The following ZNF254 variants were observed in gnomAD, a reference collection of about 807,000 sequenced individuals.
ZNF254 encodes CTD-2017D11.1.
ZNF254 carries 10 observed loss-of-function variants against 12.4 expected under a neutral mutation model. The observed-to-expected ratio is 0.80, with a 90% CI of 0.50 to 1.36. The LOEUF is 1.36. ZNF254 is among the 40% of genes most tolerant of loss of function. The pLI is 0.00. For synonymous variants in ZNF254, 305 were observed against 253.4 expected (o/e 1.20, Z -1.93); for missense variants, 996 against 763.9 (o/e 1.30, Z -3.58).
In ZNF254 at chr19:24,126,605, G is replaced by C. The variant is rs1310956122; in HGVS notation, c.605G>C (p.Ser202Thr). 6.2e-7 allele frequency: 1 copy of C among 1,605,090 alleles called. No individual in the cohort carries two copies. Among genetic ancestry groups the C allele is most frequent in the Non-Finnish European group, 8.5e-7 (1 of 1,177,698 alleles). Reference protein sequence around the residue: ...CMLSHKTQHKSIYHREKSYKC... With the variant: ...CMLSHKTQHKTIYHREKSYKC... ...CTTTCACATAAAACCCAACACAAAA[G>C]CATTTATCATAGAGAGAAGTCCTAC... The change falls in exon 4 of 4, where the codon AGC becomes ACC. Residue 202 changes from serine (S) to threonine (T), a missense_variant. Transcript: ENST00000357002.
At chr19:24,085,975 G>A (rs1972023234), upstream of ZNF254, among the ~76,000 whole-genome samples, 7 of 152,094 alleles carry the variant, frequency 4.6e-5, no homozygotes, top group South Asian at 1.4e-3. Context: ...GGGAGGCTGA[G>A]GCGGGTGGAT....
intron 2 of ZNF254, among the ~76,000 whole-genome samples, chr19:24,071,847 A>G (rs1295308932): frequency 2.0e-5 from 3 of 152,130 alleles, no homozygotes; most frequent in Admixed American, 2.0e-4. Flanking sequence ...GAACAAAATG[A>G]TATGTCATAA....
At chr19:24,097,867 A>C (rs1290445409) in intron 1 of ZNF254, among the ~76,000 whole-genome samples, 3 of 152,094 alleles carry the variant, frequency 2.0e-5, no homozygotes, top group Non-Finnish European at 2.9e-5. Flanking sequence ...TTCAGTTTAT[A>C]AACTGAACCA....
intron 1 of ZNF254, among the ~76,000 whole-genome samples, chr19:24,043,683 G>A (rs535264156): frequency 6.6e-6 from 1 of 152,180 alleles, no homozygotes; most frequent in South Asian, 2.1e-4. Flanking sequence ...GCACAAAGAG[G>A]CTTATAATTT....
At chr19:24,064,951 C>T (rs1971217509) in intron 2 of ZNF254, among the ~76,000 whole-genome samples, 2 of 152,192 alleles carry the variant, frequency 1.3e-5, no homozygotes, top group Admixed American at 6.5e-5. Context: ...TTTGACTTTT[C>T]TGTTCCGCTT....
At chr19:24,126,030 C>G (rs1334441496) in intron 3 of ZNF254, among the ~76,000 whole-genome samples, 1 of 152,056 alleles carries the variant, frequency 6.6e-6, no homozygotes, top group Non-Finnish European at 1.5e-5. Flanking sequence ...ATTGTGCTCA[C>G]CTGGGACACT....
At chr19:24,033,970 A>G (rs1274189153) in intron 1 of ZNF254, among the ~76,000 whole-genome samples, 2 of 152,090 alleles carry the variant, frequency 1.3e-5, no homozygotes, top group East Asian at 1.9e-4. Flanking sequence ...TTTCTTAAAC[A>G]TTTTGTTTGT....
intron 2 of ZNF254, among the ~76,000 whole-genome samples, chr19:24,048,252 C>A (rs1970483689): frequency 6.6e-6 from 1 of 152,096 alleles, no homozygotes; most frequent in South Asian, 2.1e-4. Flanking sequence ...GAAGGAAGGT[C>A]AGCAGACTTA....
intron 1 of ZNF254, among the ~76,000 whole-genome samples, chr19:24,041,622 C>G (rs1324101012): frequency 6.6e-6 from 1 of 152,246 alleles, no homozygotes; most frequent in African/African-American, 2.4e-5. Flanking sequence ...CCTGTGCGGC[C>G]CGAGCCTCCC....
At chr19:24,057,102 A>G (rs1970886479) in intron 2 of ZNF254, among the ~76,000 whole-genome samples, 1 of 152,184 alleles carries the variant, frequency 6.6e-6, no homozygotes, top group Non-Finnish European at 1.5e-5. Flanking sequence ...GTCAGAGAAA[A>G]TTACACTCTC....
chr19:24,041,912 C>T (rs1970181628), intron 1 of ZNF254, among the ~76,000 whole-genome samples: 1 of 152,166 alleles, frequency 6.6e-6, no homozygotes, highest in Non-Finnish European at 1.5e-5. Context: ...CTGGTGAGGA[C>T]GTGGAGAGTC....
chr19:24,105,464 A>AT, intron 1 of ZNF254: 1 of 241,622 alleles, frequency 4.1e-6, no homozygotes, highest in South Asian at 5.0e-5. Flanking sequence ...CTTGGTAGAG[A>AT]TTCATTAACT....
At chr19:24,036,657 G>C (rs1321723986) in intron 1 of ZNF254, among the ~76,000 whole-genome samples, 2 of 152,148 alleles carry the variant, frequency 1.3e-5, no homozygotes, top group East Asian at 1.9e-4. Flanking sequence ...ACAGATATTT[G>C]AGCTGGAGGG....
chr19:24,081,680 C>A (rs998691431), intron 2 of ZNF254, among the ~76,000 whole-genome samples: 12 of 152,084 alleles, frequency 7.9e-5, no homozygotes, highest in African/African-American at 2.7e-4. Flanking sequence ...GAGGAGCATA[C>A]CCTGGTGAAG....
chr19:24,055,047 C>T (rs1176648111), intron 2 of ZNF254, among the ~76,000 whole-genome samples: 2 of 150,834 alleles, frequency 1.3e-5, no homozygotes, highest in East Asian at 4.0e-4. Flanking sequence ...CTAAAAAATA[C>T]AAAAAATTAG....
chr19:24,052,838 A>T (rs1322984477), intron 2 of ZNF254, among the ~76,000 whole-genome samples: 1 of 152,184 alleles, frequency 6.6e-6, no homozygotes, highest in African/African-American at 2.4e-5. Flanking sequence ...TGACTCTCAT[A>T]CCTCTAAACA....
intron 3 of ZNF254, among the ~76,000 whole-genome samples, chr19:24,112,362 A>G (rs1418268219): frequency 3.5e-5 from 5 of 143,798 alleles, no homozygotes; most frequent in East Asian, 2.0e-4. Context: ...GCCTTGTAGT[A>G]TAGTTTGAAG....
intron 3 of ZNF254, among the ~76,000 whole-genome samples, chr19:24,115,426 CA>C (rs1973982234): frequency 1.4e-5 from 2 of 148,082 alleles, no homozygotes; most frequent in Non-Finnish European, 3.0e-5. Context: ...ATCGCAAGAA[CA>C]AAAAACCAAA....
At chr19:24,089,714 A>T (rs1017614146) in intron 1 of ZNF254, among the ~76,000 whole-genome samples, 4 of 151,642 alleles carry the variant, frequency 2.6e-5, no homozygotes, top group Non-Finnish European at 5.9e-5. Context: ...TTTTTTTTTT[A>T]AAGCTAATTT....
Sources: gnomAD v4.1 joint callset for allele counts (sites outside exome capture counted in the v4.1 genomes callset) on GRCh38, gnomAD v4.1.1 for gene constraint, MANE v1.5 for transcripts, NCBI Gene and HGNC (gene_info 2026-07-23, HGNC 2026-07-21) for gene names.